MYBL2: variants seen among roughly 807,000 people sequenced by gnomAD.
MYBL2 encodes MYB proto-oncogene like 2.
Under a neutral mutation model 79.9 loss-of-function variants are expected in MYBL2, and 28 were observed. The ratio of observed to expected loss-of-function variants is 0.35; its 90% CI spans 0.26 to 0.48. The LOEUF (loss-of-function observed/expected upper bound fraction) is 0.48. Among genes scored for constraint, MYBL2 ranks in the 20% least tolerant of loss-of-function variants. The probability of loss-of-function intolerance (pLI) is 0.99; values close to 1 mark genes in which losing one functional copy is unlikely to be tolerated. For missense variants in MYBL2, 735 were observed against 893.9 expected (o/e 0.82, Z 2.27); for synonymous variants, 378 against 361.2 (o/e 1.05, Z -0.53).
chr20:43,702,915 C>T lies in MYBL2; in HGVS notation c.1365+12C>T. 1.3e-6 allele frequency: 2 copies of T among 1,574,992 alleles called. No individual in the cohort carries two copies. Among genetic ancestry groups the T allele is most frequent in the Non-Finnish European group, 1.7e-6 (2 of 1,153,842 alleles). On this transcript the variant is annotated intron_variant, in intron 8 of 13. Coordinates refer to ENST00000217026, the MANE Select transcript of MYBL2 (RefSeq NM_002466.4). ...TCTCGCCCTCCCAGGTGCGTGGACC[C>T]CACTCTGGCTGCTTATTGGGTCGGT...
chr20:43,698,408 C>T (rs373338040), intron 6 of MYBL2, among the ~76,000 whole-genome samples: 5 of 106,798 alleles, frequency 4.7e-5, no homozygotes, highest in East Asian at 3.0e-4. Flanking sequence ...GACAGAGTCT[C>T]GTTCTGTAGC....
chr20:43,690,192 GT>G (rs59061107), intron 5 of MYBL2, among the ~76,000 whole-genome samples: 18,102 of 142,678 alleles, frequency 0.13, 2,246 homozygotes, highest in African/African-American at 0.32. Flanking sequence ...GCTGTTTTTT[GT>G]TTTTTTTTTT....
intron 5 of MYBL2, among the ~76,000 whole-genome samples, chr20:43,689,123 T>G (rs1016935661): frequency 6.6e-6 from 1 of 152,222 alleles, no homozygotes; most frequent in Non-Finnish European, 1.5e-5. Context: ...GTTTTCCATC[T>G]TATGAAAACT....
chr20:43,705,283 C>T lies in MYBL2; in HGVS notation c.1430C>T (p.Pro477Leu). 1 of 1,614,106 alleles carries T rather than the reference C, an allele frequency of 6.2e-7. No homozygotes were observed. Among genetic ancestry groups the T allele is most frequent in the Non-Finnish European group, 8.5e-7 (1 of 1,180,002 alleles). ...ELESPSLTST[P>L]VCSQKVVVTT... ...GAGAGCCCCTCGCTGACATCCACCC[C>T]AGTGTGCAGCCAGAAGGTGGTGGTC... Residue 477 changes from proline to leucine, a missense_variant, in exon 9 of 14, where the codon CCA becomes CTA. By Grantham distance (98) the Pro-to-Leu change is moderately conservative. This residue lies in a region of MYBL2 where 243 missense variants were observed against 327.2 expected (regional missense o/e 0.74). Transcript: ENST00000217026.
intron 1 of MYBL2, among the ~76,000 whole-genome samples, chr20:43,673,106 G>A (rs897018994): frequency 4.6e-5 from 7 of 151,906 alleles, no homozygotes; most frequent in African/African-American, 1.7e-4. Context: ...ACCGCACCCA[G>A]CTAATATTTG....
At chr20:43,710,805 G>C (rs970622147) in intron 10 of MYBL2, among the ~76,000 whole-genome samples, 1 of 152,186 alleles carries the variant, frequency 6.6e-6, no homozygotes, top group African/African-American at 2.4e-5. Flanking sequence ...TGCTACATGA[G>C]CCGAGGTGAG....
chr20:43,692,662 G>A (rs1419843118), intron 6 of MYBL2, among the ~76,000 whole-genome samples: 1 of 152,162 alleles, frequency 6.6e-6, no homozygotes, highest in Admixed American at 6.5e-5. Flanking sequence ...GGCTGGGTGC[G>A]TTGGTTCACA....
In MYBL2 at chr20:43,702,870, A is replaced by G. The variant is rs1263865558; in HGVS notation, c.1332A>G (p.Thr444=). The G allele has an allele frequency of 6.2e-7, 1 of 1,603,566 alleles. No homozygotes were observed. Among genetic ancestry groups the G allele is most frequent in the Non-Finnish European group, 8.5e-7 (1 of 1,171,622 alleles). The change falls in exon 8 of 14, where the codon ACA becomes ACG. Residue 444 remains threonine (T), a synonymous_variant. Transcript: ENST00000217026. ...DSCNSLTPKS[T]PVKTLPFSPS... is the part of the protein sequence containing the mutation. Reference sequence around the variant, plus strand: ...GTAACAGCCTCACGCCCAAGAGCACACCTGTTAAGACCCTGCCCTTCTCGC... The same window carrying G: ...GTAACAGCCTCACGCCCAAGAGCACGCCTGTTAAGACCCTGCCCTTCTCGC...
chr20:43,673,733 C>T, intron 1 of MYBL2, 73 bp from the exon 2 acceptor site: 1 of 1,474,118 alleles, frequency 6.8e-7, no homozygotes. Flanking sequence ...GGGCTGGCCG[C>T]TGCCTACACG....
Position 43,709,251 on chromosome 20 carries a change from C to T in MYBL2, c.1506-712C>T, listed in dbSNP as rs370793808. 3.3e-5 allele frequency among the ~76,000 whole-genome samples: 5 copies of T among 152,248 alleles called. 1 individual carries two copies. The highest frequency in any genetic ancestry group is 2.1e-4 in the South Asian group (1 of 4,832). On this transcript the variant is annotated intron_variant, in intron 9 of 13. Transcript: ENST00000217026. ...GGTCACATACCAGCACACAAGGGTT[C>T]GTGTTTGTGGAACCTGGTAGCTTCC...
intron 6 of MYBL2, among the ~76,000 whole-genome samples, chr20:43,694,000 A>G (rs956487969): frequency 1.3e-5 from 2 of 152,038 alleles, no homozygotes; most frequent in Non-Finnish European, 2.9e-5. Context: ...GTGAGTTGAG[A>G]TCCCGCCACT....
intron 5 of MYBL2, among the ~76,000 whole-genome samples, chr20:43,687,452 T>C (rs1987303811): frequency 6.6e-6 from 1 of 152,192 alleles, no homozygotes; most frequent in Admixed American, 6.5e-5. Context: ...AAGAAGAAAA[T>C]GATCAAAAAT....
At chr20:43,675,842 G>A (rs1019797721) in intron 2 of MYBL2, among the ~76,000 whole-genome samples, 3 of 151,162 alleles carry the variant, frequency 2.0e-5, no homozygotes, top group Non-Finnish European at 2.9e-5. Flanking sequence ...TAGGTAAATT[G>A]CATGTCGTGG....
At position 43,674,232 on chromosome 20, in the gene MYBL2, C is replaced by CA. The variant is rs1163761729; in HGVS notation, c.114+333_114+334insA. 1.8e-5 allele frequency among the ~76,000 whole-genome samples: 2 copies of CA among 111,286 alleles called. 1 individual carries two copies. The highest frequency in any genetic ancestry group is 3.9e-5 in the Non-Finnish European group (2 of 51,626). 73.0% of individuals were successfully genotyped at this position (111,286 alleles called of 152,430 possible). ...TTGGCCAAATCTGTAACTCCCCCCA[C>CA]CCTTTTTTTTTTTTTTTTTTTGAGA... is the stretch of plus-strand genomic sequence containing the variant. On this transcript the variant is annotated intron_variant, in intron 2 of 13. Coordinates refer to ENST00000217026, the MANE Select transcript of MYBL2 (RefSeq NM_002466.4).
intron 2 of MYBL2, among the ~76,000 whole-genome samples, chr20:43,677,894 C>T (rs1318842412): frequency 2.6e-5 from 4 of 152,162 alleles, no homozygotes; most frequent in Admixed American, 6.5e-5. Flanking sequence ...ATTGAGAAAT[C>T]GGATGGTTGC....
intron 4 of MYBL2, among the ~76,000 whole-genome samples, chr20:43,685,053 A>G (rs1361379761): frequency 2.0e-5 from 3 of 150,830 alleles, no homozygotes. Flanking sequence ...AGGCTGAGGC[A>G]GGAGAATCAC....
rs911421717 is a variant in MYBL2, at chr20:43,702,390, T to G, written c.952-100T>G. ...GAAATATTAATGATTGGTCCTGGGC[T>G]GTGGGATCATACTTGACACTTAAAT... On this transcript the variant is annotated intron_variant, in intron 7 of 13. Transcript: ENST00000217026. The G allele has an allele frequency of 9.4e-6, 12 of 1,280,454 alleles. No individual in the cohort carries two copies. The South Asian group carries it at 1.5e-4, about 17-fold the overall frequency. The allele number at this position is 1,280,454 out of a possible 1,614,324, so 79.3% of individuals were successfully genotyped here.
At chr20:43,685,736 C>T (rs1021202526) in intron 4 of MYBL2, among the ~76,000 whole-genome samples, 5 of 151,902 alleles carry the variant, frequency 3.3e-5, no homozygotes, top group Non-Finnish European at 4.4e-5. Flanking sequence ...GCCTGGGCGA[C>T]AGAGTGAGAC....
At chr20:43,685,187 T>C (rs1041819244) in intron 4 of MYBL2, among the ~76,000 whole-genome samples, 2 of 151,684 alleles carry the variant, frequency 1.3e-5, no homozygotes, top group African/African-American at 4.8e-5. Context: ...TTTATTTATT[T>C]ATTTATTTTT....
Sources: gnomAD v4.1 joint callset for allele counts (sites outside exome capture counted in the v4.1 genomes callset) on GRCh38, gnomAD v4.1.1 for gene constraint, gnomAD v4.1.1 regional missense constraint, MANE v1.5 for transcripts, NCBI Gene and HGNC (gene_info 2026-07-23, HGNC 2026-07-21) for gene names.